The following TOX variants were observed in gnomAD, a reference collection of about 807,000 sequenced individuals.
TOX encodes thymocyte selection-associated high mobility group box protein TOX.
Under a neutral mutation model 53.7 loss-of-function variants are expected in TOX, and 11 were observed. The ratio of observed to expected loss-of-function variants is 0.20; its 90% CI spans 0.13 to 0.34. The LOEUF (loss-of-function observed/expected upper bound fraction) is 0.34, where lower values mean the gene tolerates loss of function less well. TOX is among the 10% of genes least tolerant of loss of function. TOX has a pLI of 1.00. For synonymous variants in TOX, 225 were observed against 245.3 expected (o/e 0.92, Z 0.77); for missense variants, 570 against 664.6 (o/e 0.86, Z 1.56).
At chr8:58,919,215 C>T (rs1455394965) in intron 3 of TOX, among the ~76,000 whole-genome samples, 5 of 145,152 alleles carry the variant, frequency 3.4e-5, no homozygotes, top group Non-Finnish European at 6.0e-5. Context: ...CTTTAAAGTT[C>T]ATATGGAACC....
intron 3 of TOX, among the ~76,000 whole-genome samples, chr8:58,938,698 C>T (rs1396167683): frequency 6.6e-6 from 1 of 152,200 alleles, no homozygotes; most frequent in East Asian, 1.9e-4. Context: ...GGTTGATACA[C>T]ATTCTTATTA....
At position 58,826,876 on chromosome 8, in the gene TOX, C is replaced by T. The variant is rs779605300; in HGVS notation, c.951G>A (p.Ala317=). 7.4e-6 allele frequency: 12 copies of T among 1,611,994 alleles called. No homozygotes were observed. The highest frequency in any genetic ancestry group is 6.7e-5 in the East Asian group (3 of 44,806). Residue 317 remains alanine (A), a synonymous_variant, in exon 6 of 9, where the codon GCG becomes GCA. Transcript: ENST00000361421. ...KQVYKKKTEA[A]KKEYLKQLAA... is the part of the protein sequence containing the mutation. ...CGAGTTGCTTCAGGTACTCCTTCTTCGCAGCCTCGGTTTTCTTTTTATAGA... is the reference window on the plus strand; with the variant it reads ...CGAGTTGCTTCAGGTACTCCTTCTTTGCAGCCTCGGTTTTCTTTTTATAGA...
At chr8:59,022,407 T>TATAACACCGGCTTTCTAGACCCC (rs1453133027) in intron 1 of TOX, among the ~76,000 whole-genome samples, 1 of 152,118 alleles carries the variant, frequency 6.6e-6, no homozygotes, top group African/African-American at 2.4e-5. Context: ...CACACAACTC[T>TATAACACCGGCTTTCTAGACCCC]ATAACACCGG....
At chr8:59,060,176 C>G (rs1473496481) in intron 1 of TOX, among the ~76,000 whole-genome samples, 1 of 152,154 alleles carries the variant, frequency 6.6e-6, no homozygotes, top group African/African-American at 2.4e-5. Context: ...TAATTGATAA[C>G]AGAGTGTTTA....
At chr8:58,859,544 C>G (rs1810972632) in intron 3 of TOX, among the ~76,000 whole-genome samples, 1 of 152,136 alleles carries the variant, frequency 6.6e-6, no homozygotes, top group African/African-American at 2.4e-5. Flanking sequence ...CAATTTATCA[C>G]AAGAAAGTAA....
At chr8:59,020,726 T>C (rs971443211) in intron 1 of TOX, among the ~76,000 whole-genome samples, 5 of 152,122 alleles carry the variant, frequency 3.3e-5, no homozygotes, top group African/African-American at 9.7e-5. Flanking sequence ...GCACATACCA[T>C]TACATTATGT....
chr8:58,809,646 G>C (rs944511142), intron 7 of TOX, among the ~76,000 whole-genome samples: 1 of 152,128 alleles, frequency 6.6e-6, no homozygotes, highest in African/African-American at 2.4e-5. Flanking sequence ...GCTTGTTTAC[G>C]GAAAATAAGT....
intron 1 of TOX, among the ~76,000 whole-genome samples, chr8:59,076,887 A>G (rs916561922): frequency 2.0e-5 from 3 of 152,236 alleles, no homozygotes; most frequent in Non-Finnish European, 4.4e-5. Context: ...AAGTCTATCA[A>G]CTACCAAGAC....
Position 58,975,575 on chromosome 8 carries a change from A to G in TOX, c.103-15567T>C, listed in dbSNP as rs116161652. Among the ~76,000 whole-genome samples the G allele has an allele frequency of 6.4e-3, 972 of 152,280 alleles. 5 individuals are homozygous for G. Among genetic ancestry groups the G allele is most frequent in the African/African-American group, 0.017 (718 of 41,556 alleles). ...TTATGTTTACACTATACTACAGTCT[A>G]TTAAGTGTGTGATAGAATTATGTCT... On this transcript the variant is annotated intron_variant, in intron 1 of 8. Coordinates refer to ENST00000361421, the MANE Select transcript of TOX (RefSeq NM_014729.3).
intron 3 of TOX, among the ~76,000 whole-genome samples, chr8:58,864,202 T>C (rs1811059235): frequency 6.6e-6 from 1 of 152,158 alleles, no homozygotes; most frequent in Non-Finnish European, 1.5e-5. Context: ...CCTCAAAAAT[T>C]CAACATACAA....
At chr8:58,812,028 G>C (rs904707597) in intron 7 of TOX, among the ~76,000 whole-genome samples, 4 of 152,010 alleles carry the variant, frequency 2.6e-5, no homozygotes, top group Non-Finnish European at 2.9e-5. Context: ...CTCTCTCTCT[G>C]TCTGGTGTTT....
intron 6 of TOX, among the ~76,000 whole-genome samples, chr8:58,824,027 T>A (rs1323447720): frequency 2.0e-5 from 3 of 152,148 alleles, no homozygotes; most frequent in Non-Finnish European, 2.9e-5. Flanking sequence ...TGAACAAAAA[T>A]GACCTTATCA....
chr8:58,937,437 G>T (rs1344028096), intron 3 of TOX, among the ~76,000 whole-genome samples: 2 of 152,040 alleles, frequency 1.3e-5, no homozygotes, highest in African/African-American at 4.8e-5. Context: ...AGTGGGAATG[G>T]ACATGAAAAT....
At chr8:58,830,196 T>C (rs1167598246) in intron 5 of TOX, among the ~76,000 whole-genome samples, 1 of 152,188 alleles carries the variant, frequency 6.6e-6, no homozygotes, top group Non-Finnish European at 1.5e-5. Flanking sequence ...TTAAAAATCA[T>C]AATACATCAT....
At chr8:58,999,381 C>T (rs985013087) in intron 1 of TOX, among the ~76,000 whole-genome samples, 5 of 151,776 alleles carry the variant, frequency 3.3e-5, no homozygotes, top group Non-Finnish European at 5.9e-5. Flanking sequence ...CTTTAAATCC[C>T]TGCATGGTAT....
chr8:58,985,393 T>TA (rs1413276493), intron 1 of TOX, among the ~76,000 whole-genome samples: 3 of 151,880 alleles, frequency 2.0e-5, no homozygotes, highest in Admixed American at 6.6e-5. Context: ...ATACAGAAAA[T>TA]AAAAAATAAA....
intron 1 of TOX, among the ~76,000 whole-genome samples, chr8:59,087,322 TA>T (rs938729894): frequency 1.6e-4 from 24 of 151,526 alleles, no homozygotes; most frequent in Admixed American, 1.2e-3. Context: ...TGCCGAAGGT[TA>T]AAAAAAAATC....
chr8:58,898,741 T>C (rs574047114), intron 3 of TOX, among the ~76,000 whole-genome samples: 2 of 152,296 alleles, frequency 1.3e-5, no homozygotes, highest in Admixed American at 6.5e-5. Context: ...ATGGAAACTG[T>C]AGGGGTGAAT....
At chr8:58,943,164 A>C (rs1812469620) in intron 2 of TOX, among the ~76,000 whole-genome samples, 1 of 152,166 alleles carries the variant, frequency 6.6e-6, no homozygotes, top group South Asian at 2.1e-4. Flanking sequence ...GAGATTTCAG[A>C]GGATTCGTAA....
Sources: gnomAD v4.1 joint callset for allele counts (sites outside exome capture counted in the v4.1 genomes callset) on GRCh38, gnomAD v4.1.1 for gene constraint, MANE v1.5 for transcripts, NCBI Gene and HGNC (gene_info 2026-07-23, HGNC 2026-07-21) for gene names.